Variants in CEP68 observed in about 807,000 individuals in gnomAD.
CEP68 encodes centrosomal protein 68, also known as centrosomal protein of 68 kDa.
CEP68 carries 26 observed loss-of-function variants against 55.3 expected under a neutral mutation model. The ratio of observed to expected loss-of-function variants is 0.47; its 90% CI spans 0.34 to 0.65. CEP68 has a LOEUF of 0.65. Among genes scored for constraint, CEP68 ranks in the 30% least tolerant of loss-of-function variants. The pLI is 0.01. For synonymous variants in CEP68, 402 were observed against 383.2 expected (o/e 1.05, Z -0.57); for missense variants, 957 against 946.7 (o/e 1.01, Z -0.14).
At chr2:65,075,922 G>A (rs974454871) in intron 4 of CEP68, among the ~76,000 whole-genome samples, 2 of 152,082 alleles carry the variant, frequency 1.3e-5, no homozygotes, top group African/African-American at 2.4e-5. Flanking sequence ...CTAGAGGAAG[G>A]GAGGGGCTTT....
intron 5 of CEP68, 146 bp from the exon 6 acceptor site, chr2:65,082,390 T>TA: frequency 1.7e-6 from 1 of 574,734 alleles, no homozygotes. Flanking sequence ...GAATCACTGT[T>TA]AAAAAAGGGC....
intron 1 of CEP68, among the ~76,000 whole-genome samples, chr2:65,059,527 A>G (rs954553090): frequency 1.9e-4 from 29 of 152,256 alleles, no homozygotes; most frequent in Non-Finnish European, 1.5e-4. Context: ...CAGCTGTGGT[A>G]TTCTATAATT....
Position 65,082,597 on chromosome 2 carries a change from T to C in CEP68, c.2166T>C (p.Asp722=), listed in dbSNP as rs1174662118. The change falls in exon 6 of 7, where the codon GAT becomes GAC. Residue 722 remains aspartate (D), a synonymous_variant. Transcript: ENST00000377990. The part of the protein sequence containing the change: ...KQSGELESHA[D]RLYDSILASL... Reference sequence around the variant, plus strand: ...CTGGTGAGCTGGAGAGCCACGCAGATCGCCTGTATGACTCTATCTTGGCCT... The same window carrying C: ...CTGGTGAGCTGGAGAGCCACGCAGACCGCCTGTATGACTCTATCTTGGCCT... 2 of 1,609,460 alleles carry C rather than the reference T, an allele frequency of 1.2e-6. No individual in the cohort carries two copies. Among genetic ancestry groups the C allele is most frequent in the Non-Finnish European group, 1.7e-6 (2 of 1,178,320 alleles).
At position 65,071,736 on chromosome 2, in the gene CEP68, G is replaced by A; in HGVS notation, c.640G>A (p.Ala214Thr). 1 of 1,613,968 alleles carries A rather than the reference G, an allele frequency of 6.2e-7. No homozygotes were observed. The highest frequency in any genetic ancestry group is 1.1e-5 in the South Asian group (1 of 91,088). ...CAGTCTCCAGGGTCACCAGGAGAGG[G>A]CGGAGCCTCGTGGTGGTTCTCTGGC... ...GSSLQGHQERAEPRGGSLAKV... is the reference protein window; with the variant it reads ...GSSLQGHQERTEPRGGSLAKV... The change falls in exon 3 of 7, where the codon GCG (alanine) becomes ACG (threonine). Residue 214 changes from alanine to threonine, a missense_variant. Ala to Thr is a moderately conservative substitution (Grantham distance 58). Coordinates refer to ENST00000377990, the MANE Select transcript of CEP68 (RefSeq NM_015147.3).
At chr2:65,058,889 T>C (rs1257451060) in intron 1 of CEP68, among the ~76,000 whole-genome samples, 1 of 152,112 alleles carries the variant, frequency 6.6e-6, no homozygotes, top group Non-Finnish European at 1.5e-5. Flanking sequence ...ATTATCTGTT[T>C]ATGTGTCTGG....
In CEP68 at chr2:65,069,347, G is replaced by A. The variant is rs1676345317; in HGVS notation, c.-46-52G>A. On this transcript the variant is annotated intron_variant, in intron 1 of 6. Transcript: ENST00000377990. ...TAATTGTTAAAGAGCAAGACTTCCT[G>A]AACACAGATGTAGAAGATTTATATT... The A allele has an allele frequency of 2.3e-5, 23 of 980,426 alleles. No individual in the cohort carries two copies. The East Asian group carries it at 5.4e-4, about 23-fold the overall frequency. 60.7% of individuals were successfully genotyped at this position (980,426 alleles called of 1,614,324 possible). A position where few individuals can be genotyped will look rare whatever the true frequency, so the allele number is the denominator to read the frequency against.
chr2:65,059,438 T>C (rs1013008076), intron 1 of CEP68, among the ~76,000 whole-genome samples: 4 of 152,236 alleles, frequency 2.6e-5, no homozygotes, highest in Non-Finnish European at 5.9e-5. Flanking sequence ...AATTCAGGTC[T>C]GTGATTCTGT....
chr2:65,070,199 G>A (rs1030626798), intron 2 of CEP68, among the ~76,000 whole-genome samples: 1 of 152,162 alleles, frequency 6.6e-6, no homozygotes, highest in African/African-American at 2.4e-5. Context: ...GCTCCTGGGG[G>A]CTCTGAACCT....
At chr2:65,077,120 C>T (rs973071705) in intron 4 of CEP68, among the ~76,000 whole-genome samples, 4 of 151,176 alleles carry the variant, frequency 2.6e-5, no homozygotes, top group Admixed American at 6.6e-5. Context: ...CTCACCCTCC[C>T]GAGTAGCTGG....
chr2:65,083,897 A>G lies in CEP68; in HGVS notation c.*263A>G, dbSNP rs1050675. ...GTGTAGCTTTGCAATTTTTGATAAA[A>G]TAAGACGTGTTGCCTTCCCCTCTAT... On this transcript the variant is annotated 3_prime_UTR_variant, in exon 7 of 7. Transcript: ENST00000377990. 24,103 of 152,164 alleles carry G rather than the reference A, an allele frequency of 0.16. 2,058 individuals carry two copies. The highest frequency in any genetic ancestry group is 0.21 in the African/African-American group (8,868 of 41,500). 9.4% of individuals were successfully genotyped at this position (152,164 alleles called of 1,614,324 possible).
chr2:65,058,259 A>T (rs1675742364), intron 1 of CEP68, among the ~76,000 whole-genome samples: 1 of 151,868 alleles, frequency 6.6e-6, no homozygotes, highest in African/African-American at 2.4e-5. Context: ...AGGCTGGAGT[A>T]CAGTGGCATG....
At position 65,085,249 on chromosome 2, in the gene CEP68, T is replaced by C. The variant is rs932065764; in HGVS notation, c.*1615T>C. 1 of 152,172 alleles carries C rather than the reference T, an allele frequency of 6.6e-6. No individual in the cohort carries two copies. The highest frequency in any genetic ancestry group is 1.5e-5 in the Non-Finnish European group (1 of 68,022). 9.4% of individuals were successfully genotyped at this position (152,172 alleles called of 1,614,324 possible). A position where few individuals can be genotyped will look rare whatever the true frequency, so the allele number is the denominator to read the frequency against. ...AACAAATTGGCCAATATTATACTAA[T>C]TGAATGCAGAATGTGGCATTCTATT... On this transcript the variant is annotated 3_prime_UTR_variant, in exon 7 of 7. Transcript: ENST00000377990.
rs1259210920 is a variant in CEP68 at position 65,086,212 on chromosome 2, A to G, written c.*2578A>G. The G allele has an allele frequency of 1.3e-5, 2 of 152,236 alleles. No homozygotes were observed. Among genetic ancestry groups the G allele is most frequent in the Admixed American group, 6.5e-5 (1 of 15,280 alleles). The allele number at this position is 152,236 out of a possible 1,614,324, so 9.4% of individuals were successfully genotyped here. On this transcript the variant is annotated 3_prime_UTR_variant, in exon 7 of 7. Coordinates refer to ENST00000377990, the MANE Select transcript of CEP68 (RefSeq NM_015147.3). ...AATAGGAAATTACTGCTCAGACCAC[A>G]ATGACTATCATTCTGAAAGGATTTC...
intron 2 of CEP68, 38 bp downstream of exon 2, chr2:65,069,839 T>C: frequency 1.3e-6 from 2 of 1,543,010 alleles, no homozygotes; most frequent in South Asian, 2.3e-5. Flanking sequence ...GACCCATTGC[T>C]GTCCTTTGGG....
At chr2:65,077,365 A>G (rs1676814833) in intron 4 of CEP68, among the ~76,000 whole-genome samples, 1 of 152,216 alleles carries the variant, frequency 6.6e-6, no homozygotes, top group Admixed American at 6.5e-5. Context: ...AGGGGAAAGC[A>G]AATGAGTTGC....
chr2:65,071,464 C>G lies in CEP68; in HGVS notation c.368C>G (p.Thr123Ser). ...CTTTGATCATTGCAGGTGGAGAAGACCAAGCTTTCTTCCTCCGAGGAGTTC... is the reference window on the plus strand; with the variant it reads ...CTTTGATCATTGCAGGTGGAGAAGAGCAAGCTTTCTTCCTCCGAGGAGTTC... ...LLSGESQVEKTKLSSSEEFPQ... is the reference protein window; with the variant it reads ...LLSGESQVEKSKLSSSEEFPQ... Residue 123 changes from threonine to serine, a missense_variant, in exon 3 of 7, where the codon ACC becomes AGC. By Grantham distance (58) the Thr-to-Ser change is moderately conservative (BLOSUM62 1). Coordinates refer to ENST00000377990, the MANE Select transcript of CEP68 (RefSeq NM_015147.3). 6.2e-7 allele frequency: 1 copy of G among 1,612,980 alleles called. No homozygotes were observed. Among genetic ancestry groups the G allele is most frequent in the Non-Finnish European group, 8.5e-7 (1 of 1,179,014 alleles).
chr2:65,082,161 C>T (rs887397218), intron 5 of CEP68, among the ~76,000 whole-genome samples: 2 of 152,174 alleles, frequency 1.3e-5, no homozygotes, highest in East Asian at 1.9e-4. Context: ...CTTGGCATGT[C>T]GTTTTATTTA....
At chr2:65,079,192 A>C (rs1321410049) in intron 5 of CEP68, among the ~76,000 whole-genome samples, 1 of 152,208 alleles carries the variant, frequency 6.6e-6, no homozygotes, top group African/African-American at 2.4e-5. Flanking sequence ...GGCAATGAGG[A>C]GGCACTTTCC....
intron 3 of CEP68, chr2:65,074,054 G>A (rs1676640612): frequency 2.0e-6 from 1 of 492,466 alleles, no homozygotes; most frequent in Non-Finnish European, 3.7e-6. Flanking sequence ...TACCTGCAAG[G>A]CTGGGTTTTC....
Sources: allele counts gnomAD v4.1 joint callset (sites outside exome capture counted in the v4.1 genomes callset), GRCh38; gene constraint gnomAD v4.1.1; transcripts MANE v1.5; gene names NCBI Gene and HGNC (gene_info 2026-07-23, HGNC 2026-07-21).